The following BIVM variants were observed in gnomAD, a reference collection of about 807,000 sequenced individuals.
BIVM encodes basic, immunoglobulin-like variable motif containing.
BIVM carries 31 observed loss-of-function variants against 61.4 expected under a neutral mutation model. The ratio of observed to expected loss-of-function variants is 0.51; its 90% CI spans 0.38 to 0.68. The LOEUF (loss-of-function observed/expected upper bound fraction) is 0.68, where lower values mean the gene tolerates loss of function less well. BIVM is among the 30% of genes least tolerant of loss of function. The pLI is 0.00. For synonymous variants in BIVM, 189 were observed against 210.7 expected (o/e 0.90, Z 0.89); for missense variants, 526 against 596.0 (o/e 0.88, Z 1.22).
intron 5 of BIVM, 67 bp downstream of exon 5, chr13:102,821,199 G>A: frequency 1.4e-6 from 2 of 1,382,950 alleles, no homozygotes; most frequent in Non-Finnish European, 2.0e-6. Context: ...TTCTATAACA[G>A]AAAAAAATTT....
rs149836720 is a variant in BIVM, at chr13:102,839,233, A to G, written c.1219-339A>G. ...CAGGAAATGATATCTTATTGATGCA[A>G]TCTTACTCATATAACTATATGAAGA... On this transcript the variant is annotated intron_variant, in intron 10 of 10. Coordinates refer to ENST00000257336, the MANE Select transcript of BIVM (RefSeq NM_017693.4). Among the ~76,000 whole-genome samples the G allele has an allele frequency of 2.0e-3, 307 of 152,288 alleles. 2 individuals are homozygous for G. Among genetic ancestry groups the G allele is most frequent in the Middle Eastern group, 6.8e-3 (2 of 294 alleles).
At chr13:102,800,132 G>A (rs1487686340) in intron 1 of BIVM, among the ~76,000 whole-genome samples, 1 of 152,230 alleles carries the variant, frequency 6.6e-6, no homozygotes. Flanking sequence ...CCAGGAAAGG[G>A]GGTTTCTTTC....
At chr13:102,809,880 G>A (rs1226816882) in intron 3 of BIVM, among the ~76,000 whole-genome samples, 7 of 151,204 alleles carry the variant, frequency 4.6e-5, no homozygotes, top group Admixed American at 2.0e-4. Context: ...CCGCCTCCCG[G>A]GTTCACACCA....
chr13:102,837,009 T>G (rs1246374066), intron 9 of BIVM, among the ~76,000 whole-genome samples: 8 of 152,198 alleles, frequency 5.3e-5, no homozygotes. Flanking sequence ...TAATTTTGGC[T>G]GGGCGCGGTG....
At chr13:102,802,763 T>G (rs1185190843) in intron 1 of BIVM, among the ~76,000 whole-genome samples, 1 of 127,236 alleles carries the variant, frequency 7.9e-6, no homozygotes, top group Non-Finnish European at 1.6e-5. Context: ...TTTTTTTTTT[T>G]GAGACAGAGT....
At chr13:102,801,934 T>G (rs185642778) in intron 1 of BIVM, among the ~76,000 whole-genome samples, 1 of 151,940 alleles carries the variant, frequency 6.6e-6, no homozygotes, top group Non-Finnish European at 1.5e-5. Context: ...GGAGACAGTA[T>G]TGGGAGAACC....
chr13:102,815,936 A>G (rs940724294), intron 3 of BIVM, among the ~76,000 whole-genome samples: 5 of 152,252 alleles, frequency 3.3e-5, no homozygotes, highest in Non-Finnish European at 7.3e-5. Flanking sequence ...TTTAAACATC[A>G]CATCATCACA....
intron 7 of BIVM, among the ~76,000 whole-genome samples, chr13:102,827,402 T>C (rs550888058): frequency 2.2e-4 from 33 of 152,282 alleles, no homozygotes; most frequent in African/African-American, 7.7e-4. Context: ...GTTGAGGTGC[T>C]TACTGTAATT....
intron 7 of BIVM, among the ~76,000 whole-genome samples, chr13:102,825,172 C>T (rs771696220): frequency 1.3e-5 from 2 of 152,140 alleles, no homozygotes; most frequent in Non-Finnish European, 2.9e-5. Context: ...GTCTCGATCT[C>T]CTGACCTTGT....
chr13:102,804,057 C>G (rs1878909156), intron 1 of BIVM, among the ~76,000 whole-genome samples: 1 of 152,246 alleles, frequency 6.6e-6, no homozygotes, highest in South Asian at 2.1e-4. Flanking sequence ...ACAGGAGGTT[C>G]CACCTTTCGT....
rs73570234 is a variant in BIVM, at chr13:102,802,671, T to C, written c.-206-2636T>C. Among the ~76,000 whole-genome samples, 1,245 of 152,262 alleles carry C rather than the reference T, an allele frequency of 8.2e-3. 24 individuals are homozygous for C. The highest frequency in any genetic ancestry group is 0.029 in the African/African-American group (1,190 of 41,562). ...AACTTCGACCAAATAAATCATCTTG[T>C]TCCGTGACCATTATTTAAAAGCAAA... is the stretch of plus-strand genomic sequence containing the variant. On this transcript the variant is annotated intron_variant, in intron 1 of 10. Transcript: ENST00000257336.
chr13:102,816,062 TA>T (rs1480826611), intron 3 of BIVM, among the ~76,000 whole-genome samples: 14 of 152,320 alleles, frequency 9.2e-5, no homozygotes, highest in African/African-American at 3.4e-4. Context: ...TTACTGTCGA[TA>T]ATTTGATTTT....
chr13:102,820,231 C>A (rs1977401), intron 4 of BIVM, among the ~76,000 whole-genome samples: 1 of 151,426 alleles, frequency 6.6e-6, no homozygotes, highest in East Asian at 1.9e-4. Flanking sequence ...GCACGCCTGT[C>A]GTCCCAGCTA....
chr13:102,827,371 T>G (rs1880746878), intron 7 of BIVM, among the ~76,000 whole-genome samples: 1 of 152,010 alleles, frequency 6.6e-6, no homozygotes, highest in Non-Finnish European at 1.5e-5. Flanking sequence ...TTTCCTTAAA[T>G]TTGTTTTCTT....
At position 102,821,044 on chromosome 13, in the gene BIVM, A is replaced by C; in HGVS notation, c.613A>C (p.Ile205Leu). 1 of 1,612,130 alleles carries C rather than the reference A, an allele frequency of 6.2e-7. No individual in the cohort carries two copies. The highest frequency in any genetic ancestry group is 8.5e-7 in the Non-Finnish European group (1 of 1,179,604). Residue 205 changes from isoleucine (I) to leucine (L), a missense_variant, in exon 5 of 11, where the codon ATA becomes CTA. Physicochemically the swap from Ile to Leu is conservative, Grantham distance 5. Around this residue, in one of 3 missense-constraint regions of BIVM, gnomAD observed 312 missense variants for 343.8 expected, o/e 0.91. Coordinates refer to ENST00000257336, the MANE Select transcript of BIVM (RefSeq NM_017693.4). ...AGTCTTTTGTGTTCTCAGGTACTGC[A>C]TAAGCCGACCACAGTATAAGACTTC... is the stretch of plus-strand genomic sequence containing the variant. ...KVLDLRRWYC[I>L]SRPQYKTSCG... is the part of the protein sequence containing the mutation.
chr13:102,832,353 G>A (rs2140494504), intron 8 of BIVM, among the ~76,000 whole-genome samples: 1 of 151,982 alleles, frequency 6.6e-6, no homozygotes. Flanking sequence ...ACCATGCCCA[G>A]CTCATAAAAT....
intron 3 of BIVM, among the ~76,000 whole-genome samples, chr13:102,808,017 A>T (rs942388021): frequency 2.6e-5 from 4 of 152,256 alleles, no homozygotes; most frequent in East Asian, 3.8e-4. Flanking sequence ...TTATAAACAG[A>T]TGGTAGCTTA....
intron 9 of BIVM, among the ~76,000 whole-genome samples, chr13:102,835,714 G>A (rs571179479): frequency 1.3e-5 from 2 of 152,194 alleles, no homozygotes; most frequent in East Asian, 1.9e-4. Flanking sequence ...TGTGTTTTTC[G>A]TAGAGACGGG....
chr13:102,804,315 T>C, intron 1 of BIVM, among the ~76,000 whole-genome samples: 1 of 149,274 alleles, frequency 6.7e-6, no homozygotes, highest in East Asian at 2.0e-4. Flanking sequence ...CTGGCTAATT[T>C]TTATCTTTTT....
Sources: allele counts gnomAD v4.1 joint callset (sites outside exome capture counted in the v4.1 genomes callset), GRCh38; gene constraint gnomAD v4.1.1; regional missense constraint gnomAD v4.1.1; transcripts MANE v1.5; gene names NCBI Gene and HGNC (gene_info 2026-07-23, HGNC 2026-07-21).